COX10: variants seen among roughly 807,000 people sequenced by gnomAD.
The protein encoded by COX10 is protoheme IX farnesyltransferase, mitochondrial.
In COX10, 27 loss-of-function variants were observed where a neutral mutation model predicts 37.3. The ratio of observed to expected loss-of-function variants is 0.72; its 90% CI spans 0.53 to 1.00. The LOEUF is 1.00. Among genes scored for constraint, COX10 ranks in the 50% least tolerant of loss-of-function variants. COX10 has a pLI of 0.00. For missense variants in COX10, 475 were observed against 563.2 expected (o/e 0.84, Z 1.59); for synonymous variants, 222 against 229.1 (o/e 0.97, Z 0.28).
chr17:14,144,342 T>C (rs556146369), intron 4 of COX10, among the ~76,000 whole-genome samples: 1 of 152,174 alleles, frequency 6.6e-6, no homozygotes, highest in African/African-American at 2.4e-5. Context: ...GGTCATACTG[T>C]TGTCACATTA....
At chr17:14,180,552 G>A (rs71366139) in intron 5 of COX10, among the ~76,000 whole-genome samples, 17,938 of 152,114 alleles carry the variant, frequency 0.12, 1,221 homozygotes, top group South Asian at 0.19. Context: ...ATTTTCAAGC[G>A]TTGTGAGCTG....
intron 5 of COX10, among the ~76,000 whole-genome samples, chr17:14,183,066 A>G (rs567359527): frequency 4.0e-5 from 6 of 150,148 alleles, no homozygotes; most frequent in African/African-American, 1.5e-4. Flanking sequence ...AATTCATAGA[A>G]ATGTGTGGAC....
chr17:14,151,842 G>A (rs1266810995), intron 4 of COX10, among the ~76,000 whole-genome samples: 2 of 151,982 alleles, frequency 1.3e-5, no homozygotes, highest in Non-Finnish European at 2.9e-5. Context: ...GACTCTAACA[G>A]GCTAATAATT....
chr17:14,079,856 ATATGTATGTATG>A (rs59832330), intron 3 of COX10, among the ~76,000 whole-genome samples: 3,636 of 149,028 alleles, frequency 0.024, 148 homozygotes, highest in African/African-American at 0.085. Context: ...ATATATATAT[ATATGTATGTATG>A]TATGTATGTA....
At chr17:14,147,632 A>G (rs1266332143) in intron 4 of COX10, among the ~76,000 whole-genome samples, 1 of 152,194 alleles carries the variant, frequency 6.6e-6, no homozygotes. Context: ...AATAACTAAT[A>G]GAGTATAACT....
intron 5 of COX10, among the ~76,000 whole-genome samples, chr17:14,183,201 T>A (rs1478471553): frequency 3.3e-5 from 5 of 150,442 alleles, no homozygotes; most frequent in Admixed American, 6.6e-5. Flanking sequence ...AAAATGTAAT[T>A]CAGTTTTGTA....
intron 3 of COX10, 132 bp from the exon 4 acceptor site, chr17:14,101,986 A>T: frequency 9.1e-7 from 1 of 1,101,480 alleles, no homozygotes; most frequent in South Asian, 1.3e-5. Context: ...TAAGCCAAAG[A>T]TCAGCCTGTA....
intron 1 of COX10, among the ~76,000 whole-genome samples, chr17:14,071,770 T>C (rs1442973396): frequency 6.7e-6 from 1 of 149,514 alleles, no homozygotes; most frequent in Non-Finnish European, 1.5e-5. Context: ...CGCAATGGTG[T>C]GCACCTGAAA....
At chr17:14,141,502 C>T (rs1904540427) in intron 4 of COX10, among the ~76,000 whole-genome samples, 1 of 138,174 alleles carries the variant, frequency 7.2e-6, no homozygotes, top group Non-Finnish European at 1.5e-5. Context: ...TGCACTCCAG[C>T]CTCAGTGTCA....
chr17:14,115,239 T>C (rs1264565207), intron 4 of COX10, among the ~76,000 whole-genome samples: 2 of 152,196 alleles, frequency 1.3e-5, no homozygotes, highest in East Asian at 3.8e-4. Flanking sequence ...CATTTTACGA[T>C]GTACAGAGGA....
At position 14,207,301 on chromosome 17, in the gene COX10, G is replaced by C; in HGVS notation, c.*88G>C. On this transcript the variant is annotated 3_prime_UTR_variant, in exon 7 of 7. Coordinates refer to ENST00000261643, the MANE Select transcript of COX10 (RefSeq NM_001303.4). ...TGGAACACAAGAAGAGAAATTGCTG[G>C]GTTTAGAACAAGATTATAAACGAAT... is the stretch of plus-strand genomic sequence containing the variant. The C allele has an allele frequency of 7.0e-7, 1 of 1,430,094 alleles. No individual in the cohort carries two copies. Among genetic ancestry groups the C allele is most frequent in the Non-Finnish European group, 9.1e-7 (1 of 1,093,016 alleles). 88.6% of individuals were successfully genotyped at this position (1,430,094 alleles called of 1,614,324 possible).
chr17:14,137,443 T>TACAC (rs1314121083), intron 4 of COX10, among the ~76,000 whole-genome samples: 2 of 151,882 alleles, frequency 1.3e-5, no homozygotes, highest in Non-Finnish European at 2.9e-5. Flanking sequence ...GTGTACAGTA[T>TACAC]GTGTATGAGT....
chr17:14,098,183 G>A (rs972242734), intron 3 of COX10, among the ~76,000 whole-genome samples: 11 of 152,240 alleles, frequency 7.2e-5, no homozygotes, highest in African/African-American at 2.2e-4. Context: ...ACAACGCTAC[G>A]TTTGTGTTCA....
At chr17:14,191,941 T>C (rs1384940605) in intron 5 of COX10, 48 bp from the exon 6 acceptor site, 1 of 1,597,148 alleles carries the variant, frequency 6.3e-7, no homozygotes, top group Non-Finnish European at 8.6e-7. Context: ...GTAGTGTGAT[T>C]GAGTTGAGTT....
At chr17:14,122,063 A>G (rs1475079668) in intron 4 of COX10, among the ~76,000 whole-genome samples, 1 of 152,124 alleles carries the variant, frequency 6.6e-6, no homozygotes, top group Non-Finnish European at 1.5e-5. Flanking sequence ...TTCTGTAGGC[A>G]GTAGGGAGCC....
At chr17:14,126,870 T>C (rs541716413) in intron 4 of COX10, among the ~76,000 whole-genome samples, 2 of 152,266 alleles carry the variant, frequency 1.3e-5, no homozygotes, top group African/African-American at 2.4e-5. Context: ...TGGGGAAATA[T>C]TTACTTTAAA....
intron 4 of COX10, among the ~76,000 whole-genome samples, chr17:14,135,332 A>G (rs1169078280): frequency 6.6e-6 from 1 of 151,840 alleles, no homozygotes; most frequent in Non-Finnish European, 1.5e-5. Flanking sequence ...TAATATAGCT[A>G]TTTTGTTATG....
intron 4 of COX10, among the ~76,000 whole-genome samples, chr17:14,125,264 G>A (rs1916315511): frequency 6.6e-6 from 1 of 152,136 alleles, no homozygotes; most frequent in Non-Finnish European, 1.5e-5. Context: ...GCGACAGCAT[G>A]CCTGTTTTGC....
chr17:14,186,652 C>G (rs545707), intron 5 of COX10, among the ~76,000 whole-genome samples: 1 of 146,514 alleles, frequency 6.8e-6, no homozygotes, highest in African/African-American at 2.5e-5. Flanking sequence ...ACAGTTGTTT[C>G]GATTTCAGGG....
Sources: gnomAD v4.1 joint callset for allele counts (sites outside exome capture counted in the v4.1 genomes callset) on GRCh38, gnomAD v4.1.1 for gene constraint, MANE v1.5 for transcripts, NCBI Gene and HGNC (gene_info 2026-07-23, HGNC 2026-07-21) for gene names.